The following PEX5L variants were observed in gnomAD, a reference collection of about 807,000 sequenced individuals.
The protein encoded by PEX5L is peroxisomal biogenesis factor 5 like, also known as PEX5-related protein.
A neutral mutation model predicts 84.0 loss-of-function variants in PEX5L; 30 were observed. That is an observed-to-expected ratio of 0.36 (90% CI 0.27 to 0.48). PEX5L has a LOEUF of 0.48. PEX5L is among the 20% of genes least tolerant of loss of function. PEX5L has a pLI of 0.99. For synonymous variants in PEX5L, 270 were observed against 283.1 expected (o/e 0.95, Z 0.46); for missense variants, 533 against 754.6 (o/e 0.71, Z 3.44).
At chr3:179,969,454 G>A (rs1784197629) in intron 2 of PEX5L, among the ~76,000 whole-genome samples, 1 of 151,860 alleles carries the variant, frequency 6.6e-6, no homozygotes, top group Non-Finnish European at 1.5e-5. Context: ...GAAAACAAAT[G>A]TACATATACA....
chr3:179,879,068 G>A (rs994626594), intron 5 of PEX5L, among the ~76,000 whole-genome samples: 6 of 152,090 alleles, frequency 3.9e-5, no homozygotes, highest in South Asian at 2.1e-4. Flanking sequence ...TTATGGATAA[G>A]CTATGAATAT....
At chr3:179,910,774 CT>C (rs1396280508) in intron 2 of PEX5L, among the ~76,000 whole-genome samples, 1 of 152,138 alleles carries the variant, frequency 6.6e-6, no homozygotes, top group Non-Finnish European at 1.5e-5. Flanking sequence ...GCCAGTTTCC[CT>C]TTTTCTAATC....
intron 2 of PEX5L, among the ~76,000 whole-genome samples, chr3:179,900,955 A>G (rs1321380878): frequency 2.0e-5 from 3 of 152,218 alleles, no homozygotes; most frequent in Admixed American, 6.5e-5. Context: ...TCATGTATCA[A>G]TGCAAGATTT....
At chr3:179,900,253 T>C (rs1760841427) in intron 2 of PEX5L, among the ~76,000 whole-genome samples, 1 of 152,198 alleles carries the variant, frequency 6.6e-6, no homozygotes, top group Non-Finnish European at 1.5e-5. Flanking sequence ...CAGTAAGTTC[T>C]AGTAATATAG....
chr3:179,914,464 C>CT lies in PEX5L; in HGVS notation c.94-16219dup, dbSNP rs200876345. 6.7e-4 allele frequency among the ~76,000 whole-genome samples: 101 copies of CT among 151,566 alleles called. No homozygotes were observed. In the East Asian group the frequency reaches 0.017, roughly 25 times the overall value. On this transcript the variant is annotated intron_variant, in intron 2 of 14. Transcript: ENST00000467460. ...TCTTCTAGATTCAGCACAATCACCA[C>CT]TTTTTTTTAATGGAGGTCTACACTA...
At chr3:179,989,052 T>G (rs1479350595) in intron 1 of PEX5L, among the ~76,000 whole-genome samples, 1 of 152,218 alleles carries the variant, frequency 6.6e-6, no homozygotes, top group Non-Finnish European at 1.5e-5. Context: ...TGGAATTGAC[T>G]GACTTCATTA....
At chr3:179,819,345 A>C (rs1377543250) in intron 9 of PEX5L, among the ~76,000 whole-genome samples, 2 of 152,100 alleles carry the variant, frequency 1.3e-5, no homozygotes, top group Non-Finnish European at 2.9e-5. Flanking sequence ...GAGTACCTCT[A>C]AGGAATCCTC....
intron 10 of PEX5L, among the ~76,000 whole-genome samples, chr3:179,815,065 T>A (rs778905659): frequency 6.6e-6 from 1 of 152,252 alleles, no homozygotes; most frequent in African/African-American, 2.4e-5. Flanking sequence ...TTTATTACAC[T>A]ACATTGATGT....
At chr3:179,998,054 T>C (rs1185332594) in intron 1 of PEX5L, among the ~76,000 whole-genome samples, 1 of 152,198 alleles carries the variant, frequency 6.6e-6, no homozygotes, top group Non-Finnish European at 1.5e-5. Flanking sequence ...ACACTGGAGT[T>C]ATTGGTGAAA....
intron 3 of PEX5L, among the ~76,000 whole-genome samples, chr3:179,894,287 C>T (rs1383092906): frequency 6.6e-6 from 1 of 152,072 alleles, no homozygotes; most frequent in African/African-American, 2.4e-5. Context: ...TACCATGCAA[C>T]CGCTAAAAAT....
intron 3 of PEX5L, among the ~76,000 whole-genome samples, chr3:179,892,523 T>C (rs1179585064): frequency 2.0e-5 from 3 of 152,166 alleles, no homozygotes; most frequent in Admixed American, 6.5e-5. Flanking sequence ...TGTTGACTGA[T>C]TTTATACAGT....
chr3:179,943,177 T>C (rs1286017533), intron 2 of PEX5L, among the ~76,000 whole-genome samples: 2 of 152,228 alleles, frequency 1.3e-5, no homozygotes, highest in Non-Finnish European at 2.9e-5. Context: ...TAGATGAAGA[T>C]TGCTCTGGAT....
At chr3:180,023,675 A>T (rs2110516258) in intron 1 of PEX5L, among the ~76,000 whole-genome samples, 1 of 152,312 alleles carries the variant, frequency 6.6e-6, no homozygotes, top group Non-Finnish European at 1.5e-5. Flanking sequence ...TAAAAGCCTT[A>T]GCAAACACAT....
rs372270605 is a variant in PEX5L at position 179,854,650 on chromosome 3, T to G, written c.822+4412A>C. Among the ~76,000 whole-genome samples the G allele has an allele frequency of 2.0e-4, 30 of 152,232 alleles. No individual in the cohort carries two copies. The East Asian group carries it at 2.3e-3, about 12-fold the overall frequency. Reference sequence around the variant, plus strand: ...ATGGCACTTTATATACAACAATAGATAGATGAAAAAAAGCGTTACCCATAC... The same window carrying G: ...ATGGCACTTTATATACAACAATAGAGAGATGAAAAAAAGCGTTACCCATAC... On this transcript the variant is annotated intron_variant, in intron 8 of 14. Coordinates refer to ENST00000467460, the MANE Select transcript of PEX5L (RefSeq NM_016559.3).
intron 12 of PEX5L, 113 bp downstream of exon 12, chr3:179,809,358 A>G (rs1470812945): frequency 2.5e-6 from 2 of 784,826 alleles, no homozygotes; most frequent in Admixed American, 2.0e-5. Context: ...ACTGTCCTGC[A>G]AACCATTCTG....
chr3:179,810,237 C>T (rs939331544), intron 11 of PEX5L, among the ~76,000 whole-genome samples: 5 of 151,734 alleles, frequency 3.3e-5, no homozygotes, highest in African/African-American at 1.2e-4. Flanking sequence ...AAACTCCTGA[C>T]CTCAAGTGAC....
chr3:179,976,561 C>T (rs1318674970), intron 1 of PEX5L, among the ~76,000 whole-genome samples: 4 of 152,138 alleles, frequency 2.6e-5, no homozygotes, highest in African/African-American at 4.8e-5. Context: ...CCTCAACCTC[C>T]CTAGTAGCTG....
intron 9 of PEX5L, among the ~76,000 whole-genome samples, chr3:179,819,203 C>T (rs1050433016): frequency 6.6e-6 from 1 of 152,134 alleles, no homozygotes; most frequent in Non-Finnish European, 1.5e-5. Flanking sequence ...GTCATTTACA[C>T]TTATTCCTCA....
intron 1 of PEX5L, among the ~76,000 whole-genome samples, chr3:179,994,111 T>C (rs879601916): frequency 9.9e-5 from 15 of 152,228 alleles, no homozygotes; most frequent in Non-Finnish European, 1.5e-4. Flanking sequence ...TTATCTCTAA[T>C]GGTGGACATT....
Sources: gnomAD v4.1 joint callset for allele counts (sites outside exome capture counted in the v4.1 genomes callset) on GRCh38, gnomAD v4.1.1 for gene constraint, MANE v1.5 for transcripts, NCBI Gene and HGNC (gene_info 2026-07-23, HGNC 2026-07-21) for gene names.